MAN1A1: variants seen among roughly 807,000 people sequenced by gnomAD.
MAN1A1 encodes mannosidase alpha class 1A member 1, also known as mannosyl-oligosaccharide 1,2-alpha-mannosidase IA.
MAN1A1 carries 29 observed loss-of-function variants against 70.8 expected under a neutral mutation model. The observed-to-expected ratio is 0.41, with a 90% CI of 0.31 to 0.56. The LOEUF (loss-of-function observed/expected upper bound fraction) is 0.56, where lower values mean the gene tolerates loss of function less well. MAN1A1 is among the 20% of genes least tolerant of loss of function. MAN1A1 has a pLI of 0.29. For missense variants in MAN1A1, 747 were observed against 841.3 expected (o/e 0.89, Z 1.39); for synonymous variants, 349 against 330.1 (o/e 1.06, Z -0.62).
At chr6:119,335,595 A>T (rs1172350641) in intron 2 of MAN1A1, among the ~76,000 whole-genome samples, 3 of 152,220 alleles carry the variant, frequency 2.0e-5, no homozygotes, top group Non-Finnish European at 4.4e-5. Flanking sequence ...AAGATAACAT[A>T]TATGCACACA....
chr6:119,213,161 A>C (rs1163878781), intron 6 of MAN1A1, among the ~76,000 whole-genome samples: 8 of 152,200 alleles, frequency 5.3e-5, no homozygotes, highest in Non-Finnish European at 8.8e-5. Context: ...CCATCTTATA[A>C]TTTAAAATGG....
intron 9 of MAN1A1, among the ~76,000 whole-genome samples, chr6:119,190,896 C>T (rs1773423007): frequency 6.6e-6 from 1 of 152,134 alleles, no homozygotes; most frequent in African/African-American, 2.4e-5. Context: ...CACTGCCCCA[C>T]AATTACTTCA....
intron 2 of MAN1A1, among the ~76,000 whole-genome samples, chr6:119,334,395 C>A (rs2114498293): frequency 6.6e-6 from 1 of 152,266 alleles, no homozygotes; most frequent in South Asian, 2.1e-4. Context: ...AAAATTATAT[C>A]ATAGATTAAA....
At chr6:119,195,512 G>C (rs1159585138) in intron 8 of MAN1A1, among the ~76,000 whole-genome samples, 1 of 152,082 alleles carries the variant, frequency 6.6e-6, no homozygotes, top group Admixed American at 6.6e-5. Context: ...ATGCCACTAG[G>C]TTCCTTTGTC....
chr6:119,227,331 T>C (rs554906032), intron 6 of MAN1A1, among the ~76,000 whole-genome samples: 6 of 152,312 alleles, frequency 3.9e-5, no homozygotes, highest in Admixed American at 1.3e-4. Context: ...AAGTTGTATA[T>C]CTTGATTGTG....
chr6:119,331,734 G>A (rs1773321843), intron 2 of MAN1A1, among the ~76,000 whole-genome samples: 1 of 152,024 alleles, frequency 6.6e-6, no homozygotes, highest in Non-Finnish European at 1.5e-5. Flanking sequence ...CATGTTGTCT[G>A]CCACAAGCTG....
chr6:119,290,890 G>A, intron 4 of MAN1A1, 127 bp from the exon 5 acceptor site: 1 of 602,274 alleles, frequency 1.7e-6, no homozygotes, highest in East Asian at 2.8e-5. Context: ...TTATATACAG[G>A]GGGAAATGTT....
At chr6:119,301,568 A>G (rs1240502762) in intron 4 of MAN1A1, among the ~76,000 whole-genome samples, 1 of 152,230 alleles carries the variant, frequency 6.6e-6, no homozygotes, top group East Asian at 1.9e-4. Flanking sequence ...ACCATGACAC[A>G]GTGTAAAAGC....
chr6:119,331,570 C>CATATATATATATATATATAT (rs10562938), intron 2 of MAN1A1, among the ~76,000 whole-genome samples: 43 of 117,958 alleles, frequency 3.6e-4, no homozygotes, highest in Non-Finnish European at 4.8e-4. Flanking sequence ...ACATATTATG[C>CATATATATATATATATATAT]ATATATATAT....
chr6:119,230,784 G>A (rs900411466), intron 6 of MAN1A1, among the ~76,000 whole-genome samples: 1 of 152,114 alleles, frequency 6.6e-6, no homozygotes, highest in Non-Finnish European at 1.5e-5. Flanking sequence ...AAAACCCCAA[G>A]TGAACATATT....
chr6:119,296,245 A>T (rs191329703), intron 4 of MAN1A1, among the ~76,000 whole-genome samples: 121 of 152,252 alleles, frequency 7.9e-4, no homozygotes, highest in African/African-American at 2.8e-3. Context: ...GGCCACAAAG[A>T]TATGCAAATA....
intron 6 of MAN1A1, among the ~76,000 whole-genome samples, chr6:119,239,100 G>C (rs890679868): frequency 2.6e-5 from 4 of 151,850 alleles, no homozygotes; most frequent in Non-Finnish European, 5.9e-5. Flanking sequence ...CCGTGGTCTC[G>C]ATCTCCTGAC....
intron 6 of MAN1A1, among the ~76,000 whole-genome samples, chr6:119,233,534 G>A (rs1374781510): frequency 2.6e-5 from 4 of 152,170 alleles, no homozygotes; most frequent in African/African-American, 9.7e-5. Flanking sequence ...GGGCTTAAAG[G>A]TGAATGACAT....
chr6:119,332,419 GCC>G (rs1416805187), intron 2 of MAN1A1, among the ~76,000 whole-genome samples: 2 of 152,156 alleles, frequency 1.3e-5, no homozygotes, highest in African/African-American at 4.8e-5. Context: ...TTTAACTGTT[GCC>G]TCTGTTTTAA....
intron 2 of MAN1A1, among the ~76,000 whole-genome samples, chr6:119,339,600 G>GT (rs143932633): frequency 6.4e-4 from 94 of 146,880 alleles, no homozygotes; most frequent in African/African-American, 8.2e-4. Flanking sequence ...TGAAGGATTT[G>GT]TTTTTTTTTT....
intron 2 of MAN1A1, among the ~76,000 whole-genome samples, chr6:119,330,529 C>T (rs566546941): frequency 2.0e-5 from 3 of 152,126 alleles, no homozygotes; most frequent in Non-Finnish European, 4.4e-5. Flanking sequence ...GGATTACTGC[C>T]GAGCCTTCTA....
chr6:119,270,391 T>C (rs958333848), intron 5 of MAN1A1, among the ~76,000 whole-genome samples: 1 of 152,204 alleles, frequency 6.6e-6, no homozygotes, highest in Admixed American at 6.5e-5. Flanking sequence ...TAACATATCA[T>C]ACAATTCACC....
At chr6:119,268,140 C>A (rs1384567145) in intron 5 of MAN1A1, among the ~76,000 whole-genome samples, 4 of 152,160 alleles carry the variant, frequency 2.6e-5, no homozygotes, top group Non-Finnish European at 5.9e-5. Flanking sequence ...TGGTGATTTT[C>A]TACTTTTATC....
chr6:119,328,493 G>A (rs1330556700), intron 2 of MAN1A1, among the ~76,000 whole-genome samples: 1 of 152,194 alleles, frequency 6.6e-6, no homozygotes, highest in African/African-American at 2.4e-5. Context: ...TGTGTGTGCT[G>A]CCTTTAACAC....
Sources: gnomAD v4.1 joint callset for allele counts (sites outside exome capture counted in the v4.1 genomes callset) on GRCh38, gnomAD v4.1.1 for gene constraint, MANE v1.5 for transcripts, NCBI Gene and HGNC (gene_info 2026-07-23, HGNC 2026-07-21) for gene names.